Variants in DTX4 observed in about 807,000 individuals in gnomAD.
DTX4 encodes the protein E3 ubiquitin-protein ligase DTX4.
In DTX4, 28 loss-of-function variants were observed where a neutral mutation model predicts 57.6. The ratio of observed to expected loss-of-function variants is 0.49; its 90% CI spans 0.36 to 0.67. DTX4 has a LOEUF of 0.67. Ranked by LOEUF, DTX4 falls within the 30% of genes least tolerant of loss-of-function variation. The pLI is 0.00. For synonymous variants in DTX4, 316 were observed against 331.0 expected (o/e 0.95, Z 0.49); for missense variants, 715 against 836.8 (o/e 0.85, Z 1.80).
In DTX4 at chr11:59,172,855, C is replaced by T. The variant is rs748335571; in HGVS notation, c.211+49C>T. 6 of 1,435,696 alleles carry T rather than the reference C, an allele frequency of 4.2e-6. No homozygotes were observed. The Admixed American group carries it at 8.8e-5, about 21-fold the overall frequency. The allele number at this position is 1,435,696 out of a possible 1,614,324, so 88.9% of individuals were successfully genotyped here. On this transcript the variant is annotated intron_variant, in intron 1 of 8. Coordinates refer to ENST00000227451, the MANE Select transcript of DTX4 (RefSeq NM_015177.2). Reference sequence around the variant, plus strand: ...GCCCCGCCTGCTCCCACCTTCCCAACCTGCCAAGGTACCTCCCTCCCTGTG... The same window carrying T: ...GCCCCGCCTGCTCCCACCTTCCCAATCTGCCAAGGTACCTCCCTCCCTGTG...
At chr11:59,191,778 T>C (rs995247047) in intron 5 of DTX4, among the ~76,000 whole-genome samples, 9 of 152,240 alleles carry the variant, frequency 5.9e-5, no homozygotes, top group African/African-American at 2.2e-4. Context: ...TAAGTAAAGC[T>C]CCTCAGTGGG....
intron 7 of DTX4, 56 bp from the exon 8 acceptor site, chr11:59,199,628 C>T: frequency 7.5e-7 from 1 of 1,340,708 alleles, no homozygotes; most frequent in Admixed American, 2.0e-5. Flanking sequence ...CCTAACCCCG[C>T]TCTTATCAGA....
In DTX4 at chr11:59,208,173, A is replaced by T. The variant is rs1182574561; in HGVS notation, c.*3264A>T. ...AATAAATGGCAAATGAACAACCACA[A>T]AATTGTTACTCTTGTTGGCCTTCTG... On this transcript the variant is annotated 3_prime_UTR_variant, in exon 9 of 9. Transcript: ENST00000227451. The T allele has an allele frequency of 2.0e-5, 3 of 152,640 alleles. No individual in the cohort carries two copies. The highest frequency in any genetic ancestry group is 7.2e-5 in the African/African-American group (3 of 41,440). The allele number at this position is 152,640 out of a possible 1,614,324, so 9.5% of individuals were successfully genotyped here.
intron 7 of DTX4, among the ~76,000 whole-genome samples, chr11:59,197,870 C>T (rs1370846971): frequency 6.6e-6 from 1 of 152,126 alleles, no homozygotes; most frequent in African/African-American, 2.4e-5. Context: ...CAAAGACAAA[C>T]GTGGGGCTAC....
At chr11:59,181,040 T>C (rs143150617) in intron 1 of DTX4, among the ~76,000 whole-genome samples, 66 of 152,292 alleles carry the variant, frequency 4.3e-4, no homozygotes, top group African/African-American at 1.5e-3. Context: ...CATTTTTTTT[T>C]TGGACAGCAT....
chr11:59,208,127 C>T lies in DTX4; in HGVS notation c.*3218C>T, dbSNP rs1354602492. ...TGAAAGGACATCGCCACCTGGTGCT[C>T]ATGAGGTGTCTTTGCAGAACAATAA... On this transcript the variant is annotated 3_prime_UTR_variant, in exon 9 of 9. Transcript: ENST00000227451. 1.3e-5 allele frequency: 2 copies of T among 152,586 alleles called. No homozygotes were observed. The highest frequency in any genetic ancestry group is 2.9e-5 in the Non-Finnish European group (2 of 68,044). The allele number at this position is 152,586 out of a possible 1,614,324, so 9.5% of individuals were successfully genotyped here.
rs776522372 is a variant in DTX4 at position 59,172,703 on chromosome 11, C to T, written c.108C>T (p.Ala36=). ...ACCACATCGAGGCGGTGGTCCGCGCCGGCCCCCGCGCGGGGGGCAGCGTGG... is the reference window on the plus strand; with the variant it reads ...ACCACATCGAGGCGGTGGTCCGCGCTGGCCCCCGCGCGGGGGGCAGCGTGG... The part of the protein sequence containing the change: ...VSHHIEAVVR[A]GPRAGGSVVL... Residue 36 remains alanine (A), a synonymous_variant, in exon 1 of 9, where the codon GCC becomes GCT. Coordinates refer to ENST00000227451, the MANE Select transcript of DTX4 (RefSeq NM_015177.2). 2 of 1,601,410 alleles carry T rather than the reference C, an allele frequency of 1.2e-6. No individual in the cohort carries two copies. Among genetic ancestry groups the T allele is most frequent in the East Asian group, 2.3e-5 (1 of 44,356 alleles).
At chr11:59,174,669 G>T (rs80328289) in intron 1 of DTX4, among the ~76,000 whole-genome samples, 1 of 152,088 alleles carries the variant, frequency 6.6e-6, no homozygotes, top group Non-Finnish European at 1.5e-5. Flanking sequence ...ATCTACAAAG[G>T]TTCATGACCC....
intron 3 of DTX4, 68 bp downstream of exon 3, chr11:59,188,864 A>G (rs1862561272): frequency 7.1e-7 from 1 of 1,409,384 alleles, no homozygotes; most frequent in African/African-American, 1.4e-5. Context: ...GGTCATGAGC[A>G]TTTGTGGAAA....
intron 7 of DTX4, among the ~76,000 whole-genome samples, chr11:59,199,326 T>C (rs1862712794): frequency 6.6e-6 from 1 of 152,208 alleles, no homozygotes; most frequent in Non-Finnish European, 1.5e-5. Context: ...TGATGGACAA[T>C]GATGTTAAAC....
chr11:59,174,368 G>GAGGTGAGGGTGGAGGCATCAGA (rs1440212968), intron 1 of DTX4, among the ~76,000 whole-genome samples: 3 of 151,930 alleles, frequency 2.0e-5, no homozygotes, highest in Non-Finnish European at 4.4e-5. Flanking sequence ...AAAGGTTGTG[G>GAGGTGAGGGTGGAGGCATCAGA]AGGTGAGGGT....
chr11:59,180,884 G>T (rs536066367), intron 1 of DTX4, among the ~76,000 whole-genome samples: 2 of 152,276 alleles, frequency 1.3e-5, no homozygotes, highest in South Asian at 4.1e-4. Context: ...GAGGGTTTTA[G>T]CTTCTTAAAG....
At chr11:59,196,124 C>T (rs1321383445) in intron 7 of DTX4, among the ~76,000 whole-genome samples, 6 of 152,214 alleles carry the variant, frequency 3.9e-5, no homozygotes, top group Non-Finnish European at 8.8e-5. Flanking sequence ...ATTCTTCTAT[C>T]CTCTTTTCCT....
intron 8 of DTX4, 119 bp from the exon 9 acceptor site, chr11:59,204,557 C>T (rs1862779944): frequency 2.1e-6 from 2 of 932,572 alleles, no homozygotes; most frequent in Non-Finnish European, 3.3e-6. Flanking sequence ...CCCTGGGCTG[C>T]TTAGGGTATC....
rs374779446 is a variant in DTX4, at chr11:59,195,261, C to T, written c.1428C>T (p.Gly476=). The part of the protein sequence containing the change: ...TCKTIYGVKT[G]TQPPGKMEYH... ...AGACCATTTATGGGGTGAAGACAGG[C>T]ACCCAACCTCCAGGGAAGATGGAGT... Residue 476 remains glycine (G), a synonymous_variant, in exon 7 of 9, where the codon GGC becomes GGT. Transcript: ENST00000227451. The T allele has an allele frequency of 1.2e-6, 2 of 1,613,970 alleles. No individual in the cohort carries two copies. Among genetic ancestry groups the T allele is most frequent in the Non-Finnish European group, 1.7e-6 (2 of 1,179,876 alleles).
At chr11:59,195,396 T>A (rs753300231) in intron 7 of DTX4, 27 bp downstream of exon 7, 26 of 1,578,272 alleles carry the variant, frequency 1.6e-5, no homozygotes, top group Non-Finnish European at 2.2e-5. Context: ...GGTGAGCCTT[T>A]CTGTCACCCC....
At chr11:59,172,832 C>T (rs1157305758) in intron 1 of DTX4, 26 bp downstream of exon 1, 2 of 1,487,764 alleles carry the variant, frequency 1.3e-6, no homozygotes, top group South Asian at 2.6e-5. Flanking sequence ...CTGACCCCGC[C>T]CCGCCTGCTC....
At chr11:59,191,973 A>C in intron 5 of DTX4, 125 bp from the exon 6 acceptor site, 1 of 1,078,232 alleles carries the variant, frequency 9.3e-7, no homozygotes, top group Non-Finnish European at 1.3e-6. Context: ...AAGCACTTAC[A>C]CCCTGATTTG....
chr11:59,179,704 G>T (rs920783015), intron 1 of DTX4, among the ~76,000 whole-genome samples: 4 of 152,190 alleles, frequency 2.6e-5, no homozygotes, highest in Non-Finnish European at 2.9e-5. Flanking sequence ...GAACTGGTGT[G>T]CAGCCAAACT....
Sources: gnomAD v4.1 joint callset for allele counts (sites outside exome capture counted in the v4.1 genomes callset) on GRCh38, gnomAD v4.1.1 for gene constraint, MANE v1.5 for transcripts, NCBI Gene and HGNC (gene_info 2026-07-23, HGNC 2026-07-21) for gene names.